Variants in ZMYM4 observed in about 807,000 individuals in gnomAD.
ZMYM4 encodes the protein zinc finger MYM-type containing 4, also known as zinc finger MYM-type protein 4.
A neutral mutation model predicts 183.2 loss-of-function variants in ZMYM4; 31 were observed. That is an observed-to-expected ratio of 0.17 (90% CI 0.13 to 0.23). ZMYM4 has a LOEUF of 0.23. ZMYM4 is among the 10% of genes least tolerant of loss of function. The probability of loss-of-function intolerance (pLI) is 1.00; values close to 1 mark genes in which losing one functional copy is unlikely to be tolerated. For missense variants in ZMYM4, 1,273 were observed against 1,840.3 expected (o/e 0.69, Z 5.64); for synonymous variants, 592 against 631.2 (o/e 0.94, Z 0.93).
chr1:35,355,503 T>C (rs1472512767), intron 2 of ZMYM4, among the ~76,000 whole-genome samples: 2 of 152,132 alleles, frequency 1.3e-5, no homozygotes, highest in Non-Finnish European at 2.9e-5. Context: ...GTGTATTTGG[T>C]TATTTGTCTG....
chr1:35,322,330 A>AT (rs1403884124), intron 1 of ZMYM4, among the ~76,000 whole-genome samples: 2 of 152,094 alleles, frequency 1.3e-5, no homozygotes, highest in African/African-American at 2.4e-5. Flanking sequence ...TTTCCAAACA[A>AT]TTTTTTAGAA....
chr1:35,334,287 CCAGCCTGGGTGA>C, intron 2 of ZMYM4, among the ~76,000 whole-genome samples: 1 of 152,204 alleles, frequency 6.6e-6, no homozygotes, highest in Non-Finnish European at 1.5e-5. Flanking sequence ...CCACTGCACG[CCAGCCTGGGTGA>C]CAGAAAGAGA....
At chr1:35,342,022 C>T (rs1240191189) in intron 2 of ZMYM4, among the ~76,000 whole-genome samples, 1 of 152,102 alleles carries the variant, frequency 6.6e-6, no homozygotes, top group Non-Finnish European at 1.5e-5. Context: ...CTGAAATCAT[C>T]TGGACCTAGA....
At chr1:35,358,077 T>C (rs1643871174) in intron 2 of ZMYM4, among the ~76,000 whole-genome samples, 3 of 152,166 alleles carry the variant, frequency 2.0e-5, no homozygotes, top group African/African-American at 7.2e-5. Flanking sequence ...AGATCATTGA[T>C]GATGTTAATG....
At chr1:35,371,948 A>G (rs1229398119) in intron 7 of ZMYM4, among the ~76,000 whole-genome samples, 2 of 152,134 alleles carry the variant, frequency 1.3e-5, no homozygotes, top group Non-Finnish European at 2.9e-5. Context: ...CTCTATTTTT[A>G]TTGTAAAATT....
chr1:35,369,254 A>G (rs1570455554), intron 5 of ZMYM4, among the ~76,000 whole-genome samples: 1 of 152,234 alleles, frequency 6.6e-6, no homozygotes, highest in African/African-American at 2.4e-5. Context: ...ATGCAATTGT[A>G]TAATTGTAAA....
chr1:35,350,692 A>C, intron 2 of ZMYM4: 1 of 352,476 alleles, frequency 2.8e-6, no homozygotes, highest in Non-Finnish European at 5.4e-6. Flanking sequence ...GTCTCTGTCC[A>C]GCTGCAGACA....
chr1:35,396,784 TG>T, intron 19 of ZMYM4, 114 bp downstream of exon 19: 2 of 1,225,036 alleles, frequency 1.6e-6, no homozygotes, highest in Non-Finnish European at 2.2e-6. Flanking sequence ...TGCTTCTGAT[TG>T]GCTGTTATCA....
At chr1:35,370,300 A>G in intron 6 of ZMYM4, 72 bp from the exon 7 acceptor site, 4 of 1,449,834 alleles carry the variant, frequency 2.8e-6, no homozygotes, top group Non-Finnish European at 3.6e-6. Flanking sequence ...ATGTCTACTT[A>G]AAATTCATGG....
chr1:35,394,162 C>CTTTTTTTTTT lies in ZMYM4; in HGVS notation c.2911+444_2911+453dup, dbSNP rs34277367. On this transcript the variant is annotated intron_variant, in intron 18 of 29. Coordinates refer to ENST00000314607, the MANE Select transcript of ZMYM4 (RefSeq NM_005095.3). ...CCTTTGAGGAGAGCTTCAGAGCTTT[C>CTTTTTTTTTT]TTTTTTTTTTTTTTTTTTTTTTTTT... Among the ~76,000 whole-genome samples, 79 of 68,430 alleles carry CTTTTTTTTTT rather than the reference C, an allele frequency of 1.2e-3. 9 individuals carry two copies. In the East Asian group the frequency reaches 0.013, roughly 11 times the overall value. The allele number at this position is 68,430 out of a possible 152,430, so 44.9% of individuals were successfully genotyped here. A position where few individuals can be genotyped will look rare whatever the true frequency, so the allele number is the denominator to read the frequency against.
At chr1:35,382,550 C>G (rs565249247) in intron 9 of ZMYM4, among the ~76,000 whole-genome samples, 1 of 150,590 alleles carries the variant, frequency 6.6e-6, no homozygotes, top group African/African-American at 2.4e-5. Context: ...TCAAGCGATT[C>G]TCCTGCCTCA....
chr1:35,340,642 A>G (rs545196304), intron 2 of ZMYM4, among the ~76,000 whole-genome samples: 4 of 152,176 alleles, frequency 2.6e-5, no homozygotes, highest in Non-Finnish European at 5.9e-5. Flanking sequence ...TCCTATGAGA[A>G]TTTAATGCTG....
rs1027872284 is a variant in ZMYM4 at position 35,272,904 on chromosome 1, C to T, written c.39+3819C>T. Among the ~76,000 whole-genome samples, 4 of 152,158 alleles carry T rather than the reference C, an allele frequency of 2.6e-5. No individual in the cohort carries two copies. In the East Asian group the frequency reaches 5.8e-4, roughly 22 times the overall value. ...TTTGTTTCTGTATTTTTAGTAGAGA[C>T]GGGGTTTCACCATGTTAGCCAGGAT... is the stretch of plus-strand genomic sequence containing the variant. On this transcript the variant is annotated intron_variant, in intron 1 of 29. Transcript: ENST00000314607.
Position 35,268,885 on chromosome 1 carries a change from C to G in ZMYM4, c.-162C>G. The G allele has an allele frequency of 4.2e-6, 3 of 711,768 alleles. No homozygotes were observed. The highest frequency in any genetic ancestry group is 7.7e-5 in the East Asian group (2 of 26,096). The allele number at this position is 711,768 out of a possible 1,614,324, so 44.1% of individuals were successfully genotyped here. On this transcript the variant is annotated 5_prime_UTR_variant, in exon 1 of 30. Coordinates refer to ENST00000314607, the MANE Select transcript of ZMYM4 (RefSeq NM_005095.3). ...TGGGATCTCAGAAGCTGCGGCCCGG[C>G]GCGCGGCATCCGCCCCCTCCCCACT...
intron 25 of ZMYM4, among the ~76,000 whole-genome samples, chr1:35,405,785 A>G (rs1019804089): frequency 6.6e-6 from 1 of 151,652 alleles, no homozygotes; most frequent in African/African-American, 2.4e-5. Context: ...TTTTTTAAGA[A>G]AAATACCTGG....
At chr1:35,362,929 G>A (rs1460379410) in intron 5 of ZMYM4, among the ~76,000 whole-genome samples, 1 of 152,154 alleles carries the variant, frequency 6.6e-6, no homozygotes, top group Non-Finnish European at 1.5e-5. Context: ...CCCAGCACTT[G>A]GCAGGCTGAA....
At chr1:35,409,833 G>A (rs898069449) in intron 26 of ZMYM4, among the ~76,000 whole-genome samples, 1 of 151,924 alleles carries the variant, frequency 6.6e-6, no homozygotes, top group Non-Finnish European at 1.5e-5. Flanking sequence ...CCAGCTACTC[G>A]GAAGGCTAAG....
intron 2 of ZMYM4, among the ~76,000 whole-genome samples, chr1:35,356,895 AAG>A (rs1011841107): frequency 3.3e-5 from 5 of 151,786 alleles, no homozygotes; most frequent in Non-Finnish European, 1.5e-5. Flanking sequence ...AAAAAAAAGA[AAG>A]AAACAGGGGG....
intron 7 of ZMYM4, among the ~76,000 whole-genome samples, chr1:35,377,533 T>A (rs658759): frequency 0.96 from 145,571 of 152,306 alleles, 69,602 homozygotes; most frequent in East Asian, 1. Context: ...AATAAAGCAA[T>A]TAGCTCAATA....
Sources: allele counts gnomAD v4.1 joint callset (sites outside exome capture counted in the v4.1 genomes callset), GRCh38; gene constraint gnomAD v4.1.1; transcripts MANE v1.5; gene names NCBI Gene and HGNC (gene_info 2026-07-23, HGNC 2026-07-21).